The following RALGAPA2 variants were observed in gnomAD, a reference collection of about 807,000 sequenced individuals.
RALGAPA2 encodes Ral GTPase activating protein catalytic subunit alpha 2, also known as ral GTPase-activating protein subunit alpha-2.
A neutral mutation model predicts 230.4 loss-of-function variants in RALGAPA2; 139 were observed. That is an observed-to-expected ratio of 0.60 (90% CI 0.53 to 0.69). RALGAPA2 has a LOEUF of 0.69. Ranked by LOEUF, RALGAPA2 falls within the 30% of genes least tolerant of loss-of-function variation. RALGAPA2 has a pLI of 0.00. For synonymous variants in RALGAPA2, 847 were observed against 837.8 expected (o/e 1.01, Z -0.19); for missense variants, 2,163 against 2,276.0 (o/e 0.95, Z 1.01).
intron 37 of RALGAPA2, among the ~76,000 whole-genome samples, chr20:20,458,186 A>T (rs1490621288): frequency 1.3e-5 from 2 of 152,226 alleles, no homozygotes; most frequent in African/African-American, 4.8e-5. Context: ...TTTGAAAGAA[A>T]CATGCTGTAA....
In RALGAPA2 at chr20:20,397,432, G is replaced by A. The variant is rs114963860; in HGVS notation, c.5618-698C>T. On this transcript the variant is annotated intron_variant, in intron 38 of 39. Transcript: ENST00000202677. ...TTAGCTTTTCTATGCCTTGTGACAGGTTCTTCCACCCCTTCCACGCCATCC... is the reference window on the plus strand; with the variant it reads ...TTAGCTTTTCTATGCCTTGTGACAGATTCTTCCACCCCTTCCACGCCATCC... 3.5e-3 allele frequency among the ~76,000 whole-genome samples: 534 copies of A among 152,312 alleles called. 1 individual carries two copies. The highest frequency in any genetic ancestry group is 0.012 in the African/African-American group (514 of 41,568).
intron 23 of RALGAPA2, among the ~76,000 whole-genome samples, chr20:20,553,948 A>G (rs977750706): frequency 3.3e-5 from 5 of 152,218 alleles, no homozygotes; most frequent in African/African-American, 1.2e-4. Context: ...TGAAGTTGAT[A>G]ACTCACTAAT....
In RALGAPA2 at chr20:20,601,772, C is replaced by T. The variant is rs1355213619; in HGVS notation, c.2113G>A (p.Val705Met). 6.2e-7 allele frequency: 1 copy of T among 1,613,788 alleles called. No individual in the cohort carries two copies. The highest frequency in any genetic ancestry group is 1.1e-5 in the South Asian group (1 of 91,056). Residue 705 changes from valine to methionine, a missense_variant, in exon 16 of 40, where the codon GTG becomes ATG. By Grantham distance (21) the Val-to-Met change is conservative (BLOSUM62 1). Transcript: ENST00000202677. Reference sequence around the variant, plus strand: ...CTCCTAAATCGCATCGGTTCGGTCACATCTGGGTGGCTCCGCCAGCTGAGA... The same window carrying T: ...CTCCTAAATCGCATCGGTTCGGTCATATCTGGGTGGCTCCGCCAGCTGAGA... ...FSLSWRSHPD[V>M]TEPMRFRSAT...
intron 23 of RALGAPA2, among the ~76,000 whole-genome samples, chr20:20,549,210 G>T (rs927886335): frequency 4.6e-5 from 7 of 152,142 alleles, no homozygotes; most frequent in Non-Finnish European, 7.4e-5. Flanking sequence ...ATTTGTAAAT[G>T]AATCCATTTT....
rs774120068 is a variant in RALGAPA2, at chr20:20,521,119, T to G, written c.3901-19A>C. 1 of 1,573,790 alleles carries G rather than the reference T, an allele frequency of 6.4e-7. No individual in the cohort carries two copies. Among genetic ancestry groups the G allele is most frequent in the East Asian group, 2.3e-5 (1 of 43,588 alleles). ...GCAAAACCTGTGAAAACAGAGGCCATGTGCACCACGGATGCTACTCACCGC... is the reference window on the plus strand; with the variant it reads ...GCAAAACCTGTGAAAACAGAGGCCAGGTGCACCACGGATGCTACTCACCGC... On this transcript the variant is annotated intron_variant, in intron 30 of 39. Transcript: ENST00000202677.
intron 37 of RALGAPA2, among the ~76,000 whole-genome samples, chr20:20,457,346 T>C (rs2061146182): frequency 1.3e-5 from 2 of 152,224 alleles, no homozygotes; most frequent in South Asian, 4.1e-4. Flanking sequence ...AGGCAGAGCA[T>C]GAACATGGAA....
At chr20:20,594,243 T>C (rs1481762749) in intron 16 of RALGAPA2, among the ~76,000 whole-genome samples, 1 of 152,252 alleles carries the variant, frequency 6.6e-6, no homozygotes, top group African/African-American at 2.4e-5. Context: ...TTATATTAAA[T>C]ACATGTTTTG....
intron 38 of RALGAPA2, among the ~76,000 whole-genome samples, chr20:20,403,264 G>A (rs990692568): frequency 2.0e-5 from 3 of 152,168 alleles, no homozygotes; most frequent in African/African-American, 7.2e-5. Context: ...CTCTGCAACT[G>A]GCATATTCAG....
At chr20:20,393,921 A>G (rs1410155952) in intron 39 of RALGAPA2, among the ~76,000 whole-genome samples, 2 of 152,180 alleles carry the variant, frequency 1.3e-5, no homozygotes, top group East Asian at 1.9e-4. Context: ...TTGCGGGTGG[A>G]GCTGGGTCTC....
At chr20:20,569,970 T>C (rs573139485) in intron 23 of RALGAPA2, among the ~76,000 whole-genome samples, 3 of 152,300 alleles carry the variant, frequency 2.0e-5, no homozygotes, top group African/African-American at 7.2e-5. Flanking sequence ...TTCATTATTA[T>C]CTGAGAGTTA....
intron 1 of RALGAPA2, among the ~76,000 whole-genome samples, chr20:20,704,652 C>A (rs181834310): frequency 6.6e-6 from 1 of 152,340 alleles, no homozygotes; most frequent in East Asian, 1.9e-4. Flanking sequence ...ATCTTCAGGG[C>A]TTGCAATCCA....
intron 10 of RALGAPA2, among the ~76,000 whole-genome samples, chr20:20,623,891 C>T (rs1217179715): frequency 2.0e-5 from 3 of 152,080 alleles, no homozygotes; most frequent in Non-Finnish European, 4.4e-5. Flanking sequence ...ACCCTAAAGT[C>T]TCAAATTATA....
chr20:20,414,058 AGGCCTGAGT>A (rs2060118047), intron 37 of RALGAPA2, among the ~76,000 whole-genome samples: 1 of 152,262 alleles, frequency 6.6e-6, no homozygotes, highest in Admixed American at 6.5e-5. Flanking sequence ...GCAGGACGTT[AGGCCTGAGT>A]GGCCGTCTGG....
chr20:20,405,661 A>C (rs1308600076), intron 38 of RALGAPA2, among the ~76,000 whole-genome samples: 1 of 152,244 alleles, frequency 6.6e-6, no homozygotes, highest in African/African-American at 2.4e-5. Context: ...AAAACCCTCG[A>C]GACCATCTAC....
chr20:20,521,475 C>T (rs1481578056), intron 30 of RALGAPA2, among the ~76,000 whole-genome samples: 1 of 151,974 alleles, frequency 6.6e-6, no homozygotes, highest in Non-Finnish European at 1.5e-5. Flanking sequence ...GCACAACAAG[C>T]AGAGACCATT....
At chr20:20,700,954 G>T (rs1406701305) in intron 1 of RALGAPA2, among the ~76,000 whole-genome samples, 2 of 152,228 alleles carry the variant, frequency 1.3e-5, no homozygotes, top group Admixed American at 6.5e-5. Flanking sequence ...CTCCCCAGTA[G>T]ACTTAGATCT....
chr20:20,394,778 G>A (rs1263362690), intron 39 of RALGAPA2, among the ~76,000 whole-genome samples: 1 of 150,206 alleles, frequency 6.7e-6, no homozygotes, highest in Non-Finnish European at 1.5e-5. Flanking sequence ...GTGGGCACTG[G>A]CATTTAATCC....
intron 15 of RALGAPA2, among the ~76,000 whole-genome samples, chr20:20,602,556 C>T (rs2065687728): frequency 6.6e-6 from 1 of 152,202 alleles, no homozygotes; most frequent in Non-Finnish European, 1.5e-5. Context: ...TGGCATGTTT[C>T]CACACCCAGT....
At chr20:20,632,393 A>T (rs2066706423) in intron 9 of RALGAPA2, among the ~76,000 whole-genome samples, 1 of 152,082 alleles carries the variant, frequency 6.6e-6, no homozygotes, top group Non-Finnish European at 1.5e-5. Context: ...AAAGTAGATG[A>T]CTCACAACTG....
Sources: allele counts gnomAD v4.1 joint callset (sites outside exome capture counted in the v4.1 genomes callset), GRCh38; gene constraint gnomAD v4.1.1; transcripts MANE v1.5; gene names NCBI Gene and HGNC (gene_info 2026-07-23, HGNC 2026-07-21).